Variants in HAUS1 observed in about 807,000 individuals in gnomAD.
HAUS1 encodes the protein HAUS augmin-like complex subunit 1.
HAUS1 carries 25 observed loss-of-function variants against 38.6 expected under a neutral mutation model. The observed-to-expected ratio is 0.65, with a 90% confidence interval of 0.47 to 0.91. The LOEUF is 0.91. HAUS1 is among the 40% of genes least tolerant of loss of function. HAUS1 has a pLI of 0.00. For missense variants in HAUS1, 325 were observed against 328.4 expected (o/e 0.99, Z 0.08); for synonymous variants, 109 against 112.9 (o/e 0.97, Z 0.22).
rs1390244672 is a variant in HAUS1, at chr18:46,105,201, C to A, written c.38C>A (p.Ala13Glu). The change falls in exon 2 of 9, where the codon GCG becomes GAG. Residue 13 changes from alanine (A) to glutamate (E), a missense_variant. By Grantham distance (107) the Ala-to-Glu change is moderately radical. Transcript: ENST00000282058. Reference sequence around the variant, plus strand: ...CTTTCTTTTAATGGTTAGGTTGCTGCGTGGTTAAAAAAAATATTTGGAGAT... The same window carrying A: ...CTTTCTTTTAATGGTTAGGTTGCTGAGTGGTTAAAAAAAATATTTGGAGAT... ...PQEERETQVAAWLKKIFGDHP... is the reference protein window; with the variant it reads ...PQEERETQVAEWLKKIFGDHP... 3.7e-6 allele frequency: 6 copies of A among 1,606,334 alleles called. No individual in the cohort carries two copies. Among genetic ancestry groups the A allele is most frequent in the Non-Finnish European group, 5.1e-6 (6 of 1,176,172 alleles).
chr18:46,110,335 T>TTTTTTTTTTTG (rs1911590387), intron 2 of HAUS1, among the ~76,000 whole-genome samples: 1 of 87,582 alleles, frequency 1.1e-5, no homozygotes, highest in Non-Finnish European at 2.1e-5. Context: ...TTTTTAAGGT[T>TTTTTTTTTTTG]TTTTTTTTTT....
At chr18:46,109,451 CTCATT>C (rs994781770) in intron 2 of HAUS1, among the ~76,000 whole-genome samples, 7 of 152,162 alleles carry the variant, frequency 4.6e-5, no homozygotes, top group Non-Finnish European at 1.0e-4. Flanking sequence ...TTATTGATTT[CTCATT>C]TCATTTCATT....
intron 3 of HAUS1, among the ~76,000 whole-genome samples, chr18:46,119,157 C>G (rs923690411): frequency 6.6e-6 from 1 of 152,218 alleles, no homozygotes; most frequent in Non-Finnish European, 1.5e-5. Flanking sequence ...GCGTGAGCCA[C>G]TGCGCCCGGT....
At chr18:46,112,968 A>G (rs112467139) in intron 2 of HAUS1, among the ~76,000 whole-genome samples, 1 of 98,764 alleles carries the variant, frequency 1.0e-5, no homozygotes, top group Non-Finnish European at 1.8e-5. Context: ...ATATGTATAT[A>G]TTCCATATTA....
chr18:46,125,285 T>G (rs1411889034), intron 7 of HAUS1, among the ~76,000 whole-genome samples: 3 of 150,974 alleles, frequency 2.0e-5, no homozygotes, highest in East Asian at 1.9e-4. Flanking sequence ...GCATGATGGC[T>G]TATGCCTGTA....
chr18:46,117,980 AAGG>A (rs1911840003), intron 2 of HAUS1, among the ~76,000 whole-genome samples, 198 bp from the exon 3 acceptor site: 1 of 152,058 alleles, frequency 6.6e-6, no homozygotes, highest in Non-Finnish European at 1.5e-5. Flanking sequence ...AGTGATGACT[AAGG>A]GATGTAGAGT....
intron 4 of HAUS1, among the ~76,000 whole-genome samples, chr18:46,120,528 C>G (rs1181375424): frequency 6.6e-6 from 1 of 152,104 alleles, no homozygotes; most frequent in Non-Finnish European, 1.5e-5. Context: ...GCCACTGCGC[C>G]CGGCCTGACT....
Position 46,123,345 on chromosome 18 carries a change from C to T in HAUS1, c.647C>T (p.Ser216Phe). Residue 216 changes from serine (S) to phenylalanine (F), a missense_variant, in exon 6 of 9, where the codon TCC (serine) becomes TTC (phenylalanine). Transcript: ENST00000282058. ...ATGGATGCTTCTCTGTCTCATCAGT[C>T]CTTAGTAGCACTATCAGAGGTGAGC... ...RGMDASLSHQ[S>F]LVALSEKLAR... The T allele has an allele frequency of 1.2e-6, 2 of 1,610,788 alleles. No homozygotes were observed. Among genetic ancestry groups the T allele is most frequent in the Non-Finnish European group, 8.5e-7 (1 of 1,177,698 alleles).
intron 2 of HAUS1, among the ~76,000 whole-genome samples, chr18:46,112,828 A>T (rs28794291): frequency 1.0e-4 from 8 of 76,946 alleles, no homozygotes; most frequent in African/African-American, 1.4e-4. Flanking sequence ...TTATATATAT[A>T]ATATATATAA....
intron 5 of HAUS1, 49 bp from the exon 6 acceptor site, chr18:46,123,250 C>T: frequency 1.7e-6 from 2 of 1,192,990 alleles, no homozygotes; most frequent in South Asian, 2.6e-5. Flanking sequence ...TGATGGTGGT[C>T]ACTTTTCAAA....
chr18:46,108,714 A>G (rs1217023835), intron 2 of HAUS1, among the ~76,000 whole-genome samples: 1 of 152,036 alleles, frequency 6.6e-6, no homozygotes, highest in African/African-American at 2.4e-5. Context: ...GTGTTGTTTA[A>G]TTCCACTTTG....
At chr18:46,123,833 T>C (rs1400036312) in intron 6 of HAUS1, among the ~76,000 whole-genome samples, 1 of 152,196 alleles carries the variant, frequency 6.6e-6, no homozygotes, top group East Asian at 1.9e-4. Flanking sequence ...TTTCATACTT[T>C]GTTCTTGGAA....
intron 2 of HAUS1, among the ~76,000 whole-genome samples, chr18:46,112,853 C>A (rs1337158374): frequency 1.2e-5 from 1 of 84,866 alleles, no homozygotes; most frequent in Non-Finnish European, 2.0e-5. Context: ...TATATATATT[C>A]CATATTACAT....
intron 3 of HAUS1, chr18:46,118,566 G>C (rs1335291233): frequency 2.4e-6 from 1 of 411,504 alleles, no homozygotes; most frequent in Non-Finnish European, 4.4e-6. Flanking sequence ...AAAGGGGTTA[G>C]TATCACATTG....
At position 46,110,553 on chromosome 18, in the gene HAUS1, G is replaced by A. The variant is rs917822664; in HGVS notation, c.205+5185G>A. On this transcript the variant is annotated intron_variant, in intron 2 of 8. Coordinates refer to ENST00000282058, the MANE Select transcript of HAUS1 (RefSeq NM_138443.4). ...AGGCAGGGTTTCATCATGTTCGCCA[G>A]GCTGGTCTTGAGCTCCTAACCTCAG... is the stretch of plus-strand genomic sequence containing the variant. 6.6e-5 allele frequency among the ~76,000 whole-genome samples: 10 copies of A among 151,746 alleles called. No individual in the cohort carries two copies. The Admixed American group carries it at 6.6e-4, about 10-fold the overall frequency.
rs1323884956 is a variant in HAUS1 at position 46,123,135 on chromosome 18, C to T, written c.601-164C>T. 2.2e-5 allele frequency: 12 copies of T among 550,782 alleles called. No individual in the cohort carries two copies. In the Admixed American group the frequency reaches 2.6e-4, roughly 12 times the overall value. The allele number at this position is 550,782 out of a possible 1,614,324, so 34.1% of individuals were successfully genotyped here. A position where few individuals can be genotyped will look rare whatever the true frequency, so the allele number is the denominator to read the frequency against. On this transcript the variant is annotated intron_variant, in intron 5 of 8. Coordinates refer to ENST00000282058, the MANE Select transcript of HAUS1 (RefSeq NM_138443.4). ...CTGAGGCAGGAGAATGACATGAACC[C>T]GGGAGGCGGAGTTTGCAGAGAGCCG...
rs1568263590 is a variant in HAUS1, at chr18:46,112,997, C to CATATT, written c.206-5180_206-5179insTATAT. Among the ~76,000 whole-genome samples the CATATT allele has an allele frequency of 1.6e-3, 72 of 43,840 alleles. 5 individuals carry two copies. The highest frequency in any genetic ancestry group is 4.3e-3 in the Admixed American group (17 of 4,000). The allele number at this position is 43,840 out of a possible 152,430, so 28.8% of individuals were successfully genotyped here. A position where few individuals can be genotyped will look rare whatever the true frequency, so the allele number is the denominator to read the frequency against. On this transcript the variant is annotated intron_variant, in intron 2 of 8. Transcript: ENST00000282058. ...CATATTATATATATAATATATATTC[C>CATATT]ATATATATGGAATATATATATTCCA...
rs114001067 is a variant in HAUS1 at position 46,105,276 on chromosome 18, A to G, written c.113A>G (p.His38Arg). The G allele has an allele frequency of 1.3e-3, 2,045 of 1,613,794 alleles. 23 individuals carry two copies. The African/African-American group carries it at 0.023, about 18-fold the overall frequency. Residue 38 changes from histidine (H) to arginine (R), a missense_variant, in exon 2 of 9, where the codon CAT (histidine) becomes CGT (arginine). His to Arg is a conservative substitution (Grantham distance 29). Transcript: ENST00000282058. Reference protein sequence around the residue: ...EVNPRTTEILHHLSERNRVRD... With the variant: ...EVNPRTTEILRHLSERNRVRD... ...AACCCACGGACCACAGAGATTTTAC[A>G]TCACCTTTCAGAACGCAACAGGGTC...
chr18:46,115,032 G>A (rs1382654293), intron 2 of HAUS1: 1 of 152,132 alleles, frequency 6.6e-6, no homozygotes. Flanking sequence ...CTGGTCAATT[G>A]AATTTTGACA....
Sources: allele counts gnomAD v4.1 joint callset (sites outside exome capture counted in the v4.1 genomes callset), GRCh38; gene constraint gnomAD v4.1.1; transcripts MANE v1.5; gene names NCBI Gene and HGNC (gene_info 2026-07-23, HGNC 2026-07-21).